Variants in STMN3 observed in about 807,000 individuals in gnomAD.
STMN3 encodes the protein stathmin-3.
A neutral mutation model predicts 23.2 loss-of-function variants in STMN3; 24 were observed. The observed-to-expected ratio is 1.03, with a 90% confidence interval of 0.75 to 1.45. STMN3 has a LOEUF of 1.45. STMN3 is among the 40% of genes most tolerant of loss of function. The probability of loss-of-function intolerance (pLI) is 0.00; values close to 1 mark genes in which losing one functional copy is unlikely to be tolerated. For missense variants in STMN3, 235 were observed against 237.6 expected (o/e 0.99, Z 0.07); for synonymous variants, 117 against 103.4 (o/e 1.13, Z -0.80).
In STMN3 at chr20:63,642,228, C is replaced by A; in HGVS notation, c.363G>T (p.Ala121=). 6.4e-7 allele frequency: 1 copy of A among 1,562,246 alleles called. No individual in the cohort carries two copies. The highest frequency in any genetic ancestry group is 8.6e-7 in the Non-Finnish European group (1 of 1,156,338). The part of the protein sequence containing the change: ...REHEREVLHK[A]LEENNNFSRQ... Reference sequence around the variant, plus strand: ...GGCTGAAGTTGTTATTCTCCTCCAGCGCCTTGTGCAGCACCTCGCGCTCGT... The same window carrying A: ...GGCTGAAGTTGTTATTCTCCTCCAGAGCCTTGTGCAGCACCTCGCGCTCGT... Residue 121 remains alanine (A), a synonymous_variant, in exon 4 of 5, where the codon GCG becomes GCT. Coordinates refer to ENST00000370053, the MANE Select transcript of STMN3 (RefSeq NM_015894.4).
intron 2 of STMN3, 62 bp downstream of exon 2, chr20:63,644,152 C>T (rs1192818852): frequency 2.2e-5 from 33 of 1,503,654 alleles, no homozygotes; most frequent in Admixed American, 1.2e-4. Flanking sequence ...TGCCGGAGGC[C>T]GGGGGAAAAG....
chr20:63,647,828 A>G (rs536541304), intron 1 of STMN3, among the ~76,000 whole-genome samples: 29 of 128,392 alleles, frequency 2.3e-4, no homozygotes, highest in African/African-American at 8.0e-4. Context: ...TATAATATAT[A>G]TACGTATATA....
In STMN3 at chr20:63,653,326, C is replaced by T; in HGVS notation, c.19+1G>A. On this transcript the variant is annotated splice_donor_variant, in intron 1 of 4. Coordinates refer to ENST00000370053, the MANE Select transcript of STMN3 (RefSeq NM_015894.4). LOFTEE classifies it high-confidence loss of function. ...ACAAAGCCCGTGGCCCCGGAGCCTA[C>T]CGGAAATGGTGCTGGCCATGGTGCT... The T allele has an allele frequency of 6.5e-7, 1 of 1,547,630 alleles. No homozygotes were observed. Among genetic ancestry groups the T allele is most frequent in the East Asian group, 2.5e-5 (1 of 40,704 alleles).
At chr20:63,650,737 G>A (rs1344909860) in intron 1 of STMN3, among the ~76,000 whole-genome samples, 1 of 24,674 alleles carries the variant, frequency 4.1e-5, no homozygotes, top group African/African-American at 1.9e-4. Context: ...GATGGTGCCC[G>A]CTCCCAGGGT....
intron 1 of STMN3, among the ~76,000 whole-genome samples, chr20:63,647,891 T>C (rs2089826948): frequency 7.7e-6 from 1 of 129,812 alleles, no homozygotes; most frequent in Admixed American, 8.4e-5. Flanking sequence ...TTAATATATA[T>C]ACGTATATAT....
At position 63,652,579 on chromosome 20, in the gene STMN3, A is replaced by G. The variant is rs1343976074; in HGVS notation, c.19+748T>C. The G allele has an allele frequency of 1.0e-6, 1 of 984,942 alleles. No homozygotes were observed. Among genetic ancestry groups the G allele is most frequent in the African/African-American group, 1.7e-5 (1 of 57,152 alleles). The allele number at this position is 984,942 out of a possible 1,614,324, so 61.0% of individuals were successfully genotyped here. On this transcript the variant is annotated intron_variant, in intron 1 of 4. Transcript: ENST00000370053. This position sits in a 1 kb window ranked among gnomAD's most constrained non-coding sequence, Gnocchi z 5.3. ...AGGCCGGGGTGGGCGCTACCTTCGAAGGCGGTGGGTCCGCCCCGCGGGAGG... is the reference window on the plus strand; with the variant it reads ...AGGCCGGGGTGGGCGCTACCTTCGAGGGCGGTGGGTCCGCCCCGCGGGAGG...
rs1055128354 is a variant in STMN3, at chr20:63,640,813, C to G, written c.*525G>C. On this transcript the variant is annotated 3_prime_UTR_variant, in exon 5 of 5. Coordinates refer to ENST00000370053, the MANE Select transcript of STMN3 (RefSeq NM_015894.4). Reference sequence around the variant, plus strand: ...AAGGAAAGCTGCAGCCCCCACCCACCCGCCTGCCAGTTCAACAAGCACCGG... The same window carrying G: ...AAGGAAAGCTGCAGCCCCCACCCACGCGCCTGCCAGTTCAACAAGCACCGG... 2 of 212,538 alleles carry G rather than the reference C, an allele frequency of 9.4e-6. No individual in the cohort carries two copies. Among genetic ancestry groups the G allele is most frequent in the African/African-American group, 4.8e-5 (2 of 41,828 alleles). 13.2% of individuals were successfully genotyped at this position (212,538 alleles called of 1,614,324 possible). A position where few individuals can be genotyped will look rare whatever the true frequency, so the allele number is the denominator to read the frequency against.
Position 63,641,271 on chromosome 20 carries a change from G to A in STMN3, c.*67C>T, listed in dbSNP as rs970800801. 20 of 1,447,158 alleles carry A rather than the reference G, an allele frequency of 1.4e-5. No homozygotes were observed. In the Admixed American group the frequency reaches 2.9e-4, roughly 21 times the overall value. The allele number at this position is 1,447,158 out of a possible 1,614,324, so 89.6% of individuals were successfully genotyped here. Reference sequence around the variant, plus strand: ...GAACAAAAGTTGCATCTAGACAGAGGTGAACGAAACAAAACCAAAACCCGA... The same window carrying A: ...GAACAAAAGTTGCATCTAGACAGAGATGAACGAAACAAAACCAAAACCCGA... On this transcript the variant is annotated 3_prime_UTR_variant, in exon 5 of 5. Transcript: ENST00000370053.
intron 1 of STMN3, among the ~76,000 whole-genome samples, chr20:63,645,934 C>G (rs1024083364): frequency 6.6e-6 from 1 of 151,752 alleles, no homozygotes; most frequent in Non-Finnish European, 1.5e-5. Context: ...GCCTGGGTGA[C>G]AGTGTGAGAC....
In STMN3 at chr20:63,652,482, G is replaced by A. The variant is rs566188082; in HGVS notation, c.19+845C>T. On this transcript the variant is annotated intron_variant, in intron 1 of 4. Coordinates refer to ENST00000370053, the MANE Select transcript of STMN3 (RefSeq NM_015894.4). This position sits in a 1 kb window ranked among gnomAD's most constrained non-coding sequence, Gnocchi z 5.3. ...CCCGAGGTCGCCCGGCAGCTCCCCTGCGTCCAGAATCCGCCCCCCGCCCGG... is the reference window on the plus strand; with the variant it reads ...CCCGAGGTCGCCCGGCAGCTCCCCTACGTCCAGAATCCGCCCCCCGCCCGG... The A allele has an allele frequency of 2.1e-5, 17 of 808,872 alleles. No homozygotes were observed. The African/African-American group carries it at 3.2e-4, about 15-fold the overall frequency. 50.1% of individuals were successfully genotyped at this position (808,872 alleles called of 1,614,324 possible).
chr20:63,649,777 G>T (rs1203905253), intron 1 of STMN3, among the ~76,000 whole-genome samples: 1 of 150,860 alleles, frequency 6.6e-6, no homozygotes, highest in African/African-American at 2.4e-5. Flanking sequence ...TGATCCGCCC[G>T]TCTCAGCCTC....
chr20:63,651,187 T>G (rs1035993617), intron 1 of STMN3, among the ~76,000 whole-genome samples: 1 of 152,098 alleles, frequency 6.6e-6, no homozygotes, highest in Non-Finnish European at 1.5e-5. Flanking sequence ...TCTCGAACTC[T>G]TGACCTCAGT....
At chr20:63,649,692 A>G (rs1056247843) in intron 1 of STMN3, among the ~76,000 whole-genome samples, 2 of 151,842 alleles carry the variant, frequency 1.3e-5, no homozygotes, top group Non-Finnish European at 2.9e-5. Context: ...CACCACGCCC[A>G]GCTAATTTTT....
Position 63,652,462 on chromosome 20 carries a change from G to T in STMN3, c.19+865C>A. 1 of 653,350 alleles carries T rather than the reference G, an allele frequency of 1.5e-6. No homozygotes were observed. Among genetic ancestry groups the T allele is most frequent in the Non-Finnish European group, 1.9e-6 (1 of 526,104 alleles). The allele number at this position is 653,350 out of a possible 1,614,324, so 40.5% of individuals were successfully genotyped here. ...GCGGGCCCAGCGTCCTCGCGCCCGAGGTCGCCCGGCAGCTCCCCTGCGTCC... is the reference window on the plus strand; with the variant it reads ...GCGGGCCCAGCGTCCTCGCGCCCGATGTCGCCCGGCAGCTCCCCTGCGTCC... On this transcript the variant is annotated intron_variant, in intron 1 of 4. Transcript: ENST00000370053. The surrounding 1 kb of genome is among the most constrained non-coding windows in gnomAD (Gnocchi z 5.3).
intron 3 of STMN3, among the ~76,000 whole-genome samples, chr20:63,643,350 C>T (rs1418959343): frequency 6.6e-6 from 1 of 152,140 alleles, no homozygotes; most frequent in African/African-American, 2.4e-5. Flanking sequence ...GGCGCAGTCT[C>T]GGCTCACTGC....
At chr20:63,646,490 G>A (rs1193188434) in intron 1 of STMN3, among the ~76,000 whole-genome samples, 1 of 151,892 alleles carries the variant, frequency 6.6e-6, no homozygotes, top group Non-Finnish European at 1.5e-5. Flanking sequence ...GAGTAGCTGG[G>A]ACCACAGGCA....
At position 63,642,114 on chromosome 20, in the gene STMN3, G is replaced by C; in HGVS notation, c.477C>G (p.Arg159=). ...CCCGGCCCCGCCCCCGCACCTTCTC[G>C]CGCAGCCGCTCGCGCAGTGCGGCCA... ...AHLAALRERL[R]EKELHAAEVR... is the part of the protein sequence containing the mutation. The change falls in exon 4 of 5, where the codon CGC becomes CGG. Residue 159 remains arginine, a synonymous_variant. Coordinates refer to ENST00000370053, the MANE Select transcript of STMN3 (RefSeq NM_015894.4). 7.0e-7 allele frequency: 1 copy of C among 1,438,636 alleles called. No individual in the cohort carries two copies. The highest frequency in any genetic ancestry group is 1.7e-5 in the African/African-American group (1 of 60,278). The allele number at this position is 1,438,636 out of a possible 1,614,324, so 89.1% of individuals were successfully genotyped here. A position where few individuals can be genotyped will look rare whatever the true frequency, so the allele number is the denominator to read the frequency against.
At chr20:63,647,707 TAC>T (rs1277565575) in intron 1 of STMN3, among the ~76,000 whole-genome samples, 10 of 130,392 alleles carry the variant, frequency 7.7e-5, no homozygotes, top group African/African-American at 1.9e-4. Flanking sequence ...ATAATATATA[TAC>T]ACGTGTATAT....
At chr20:63,645,565 T>G (rs2089802677) in intron 1 of STMN3, among the ~76,000 whole-genome samples, 1 of 152,234 alleles carries the variant, frequency 6.6e-6, no homozygotes, top group Admixed American at 6.5e-5. Flanking sequence ...AGGCGCCTGC[T>G]GTCACAGTGA....
Sources: gnomAD v4.1 joint callset for allele counts (sites outside exome capture counted in the v4.1 genomes callset) on GRCh38, gnomAD v4.1.1 for gene constraint, Gnocchi (gnomAD v3.1) non-coding constraint, MANE v1.5 for transcripts, NCBI Gene and HGNC (gene_info 2026-07-23, HGNC 2026-07-21) for gene names.